Variants in PPP2R3A observed in about 807,000 individuals in gnomAD.
PPP2R3A encodes the protein protein phosphatase 2 regulatory subunit B''alpha, also known as serine/threonine-protein phosphatase 2A regulatory subunit B'' subunit alpha.
PPP2R3A carries 80 observed loss-of-function variants against 106.9 expected under a neutral mutation model. That is an observed-to-expected ratio of 0.75 (90% CI 0.62 to 0.90). The LOEUF (loss-of-function observed/expected upper bound fraction) is 0.90, where lower values mean the gene tolerates loss of function less well. Among genes scored for constraint, PPP2R3A ranks in the 40% least tolerant of loss-of-function variants. The pLI is 0.00. For missense variants in PPP2R3A, 1,386 were observed against 1,350.4 expected (o/e 1.03, Z -0.41); for synonymous variants, 483 against 468.3 (o/e 1.03, Z -0.41).
intron 3 of PPP2R3A, among the ~76,000 whole-genome samples, chr3:136,029,521 T>G (rs1208192596): frequency 1.3e-5 from 2 of 152,164 alleles, no homozygotes; most frequent in Non-Finnish European, 2.9e-5. Context: ...CAAGGCAGGA[T>G]AGAGGTCTCT....
chr3:136,066,722 A>G (rs995394796), intron 5 of PPP2R3A, among the ~76,000 whole-genome samples: 1 of 152,028 alleles, frequency 6.6e-6, no homozygotes, highest in Non-Finnish European at 1.5e-5. Context: ...ATCTCATGAG[A>G]ACTCACTATC....
intron 5 of PPP2R3A, among the ~76,000 whole-genome samples, chr3:136,054,750 A>G (rs1427521354): frequency 6.6e-6 from 1 of 152,250 alleles, no homozygotes; most frequent in Non-Finnish European, 1.5e-5. Flanking sequence ...TTGTAAAACA[A>G]GAACCTGCTA....
At chr3:136,042,347 G>A in intron 4 of PPP2R3A, among the ~76,000 whole-genome samples, 1 of 152,128 alleles carries the variant, frequency 6.6e-6, no homozygotes, top group Middle Eastern at 3.2e-3. Context: ...TTGGGGTGGG[G>A]TGAGGGAAGG....
chr3:136,061,169 A>G (rs1408791984), intron 5 of PPP2R3A, among the ~76,000 whole-genome samples: 1 of 152,200 alleles, frequency 6.6e-6, no homozygotes, highest in East Asian at 1.9e-4. Flanking sequence ...TCAGAGAGAA[A>G]GAGAGAGAGA....
intron 1 of PPP2R3A, among the ~76,000 whole-genome samples, chr3:135,975,785 A>G (rs1032648961): frequency 3.3e-5 from 5 of 152,142 alleles, no homozygotes; most frequent in Admixed American, 6.5e-5. Flanking sequence ...AATTTTAATT[A>G]AAAACTGCCA....
At chr3:136,041,237 T>TG (rs1553747205) in intron 4 of PPP2R3A, among the ~76,000 whole-genome samples, 20 of 36,048 alleles carry the variant, frequency 5.5e-4, no homozygotes, top group East Asian at 2.7e-3. Context: ...TGGTTTTTCT[T>TG]GTTTTTTTTT....
At position 136,118,209 on chromosome 3, in the gene PPP2R3A, G is replaced by A. The variant is rs140216709; in HGVS notation, c.3329+11887G>A. On this transcript the variant is annotated intron_variant, in intron 13 of 13. Transcript: ENST00000264977. ...ATGCTAAATGCTCTCAATAAACTAG[G>A]TATTGATGGAACACAGTCTCAAAAT... Among the ~76,000 whole-genome samples the A allele has an allele frequency of 6.2e-3, 946 of 152,228 alleles. 13 individuals carry two copies. Among genetic ancestry groups the A allele is most frequent in the African/African-American group, 0.022 (897 of 41,548 alleles).
At chr3:136,034,107 C>T (rs1221223639) in intron 3 of PPP2R3A, among the ~76,000 whole-genome samples, 11 of 150,192 alleles carry the variant, frequency 7.3e-5, no homozygotes, top group Non-Finnish European at 1.2e-4. Context: ...GTGATCTTGG[C>T]TCACTGCAGC....
intron 2 of PPP2R3A, chr3:136,023,176 G>A (rs374006910): frequency 2.5e-5 from 41 of 1,613,046 alleles, no homozygotes; most frequent in Non-Finnish European, 3.1e-5. Context: ...TTTAAGAAGC[G>A]GCTGAAGTCA....
At chr3:136,090,752 G>A (rs2107946322) in intron 10 of PPP2R3A, 85 bp downstream of exon 10, 2 of 1,058,456 alleles carry the variant, frequency 1.9e-6, no homozygotes, top group South Asian at 1.4e-5. Context: ...TACCTAGTGA[G>A]GCCAACTCAA....
Position 136,001,768 on chromosome 3 carries a change from C to G in PPP2R3A, c.270C>G (p.Ala90=). 1 of 1,614,160 alleles carries G rather than the reference C, an allele frequency of 6.2e-7. No homozygotes were observed. Among genetic ancestry groups the G allele is most frequent in the Non-Finnish European group, 8.5e-7 (1 of 1,180,030 alleles). ...CTGAAGGAGACTATCCCCAACAGGC[C>G]TTCACAGGCATACCCAGGGTCAAGA... The part of the protein sequence containing the change: ...SSAEGDYPQQ[A]FTGIPRVKRG... The change falls in exon 2 of 14, where the codon GCC becomes GCG. Residue 90 remains alanine (A), a synonymous_variant. Coordinates refer to ENST00000264977, the MANE Select transcript of PPP2R3A (RefSeq NM_002718.5).
chr3:136,017,800 T>C (rs1934329975), intron 2 of PPP2R3A, among the ~76,000 whole-genome samples: 1 of 152,254 alleles, frequency 6.6e-6, no homozygotes, highest in Non-Finnish European at 1.5e-5. Flanking sequence ...TTAGCTGAGC[T>C]GATTTCCCAG....
chr3:135,989,626 C>T (rs1408538236), intron 1 of PPP2R3A, among the ~76,000 whole-genome samples: 1 of 152,028 alleles, frequency 6.6e-6, no homozygotes, highest in Non-Finnish European at 1.5e-5. Flanking sequence ...CTTCTTTCTG[C>T]CTTTAAAATA....
intron 3 of PPP2R3A, among the ~76,000 whole-genome samples, chr3:136,036,715 T>C (rs1287516156): frequency 6.6e-6 from 1 of 152,198 alleles, no homozygotes; most frequent in African/African-American, 2.4e-5. Flanking sequence ...GCGAAAATTC[T>C]CACTGCAAGC....
At chr3:136,040,273 C>T (rs1935221628) in intron 3 of PPP2R3A, among the ~76,000 whole-genome samples, 1 of 152,196 alleles carries the variant, frequency 6.6e-6, no homozygotes, top group Admixed American at 6.5e-5. Flanking sequence ...AGTATAATGG[C>T]TCACGCCTGT....
rs564413737 is a variant in PPP2R3A, at chr3:136,004,843, A to G, written c.1995+1350A>G. Among the ~76,000 whole-genome samples, 15 of 152,136 alleles carry G rather than the reference A, an allele frequency of 9.9e-5. No homozygotes were observed. The East Asian group carries it at 2.9e-3, about 29-fold the overall frequency. ...AGATCTGTAAGTATTTTGTCATGTT[A>G]TTCTTTGTGCTTTTTTATATTCTTA... is the stretch of plus-strand genomic sequence containing the variant. On this transcript the variant is annotated intron_variant, in intron 2 of 13. Coordinates refer to ENST00000264977, the MANE Select transcript of PPP2R3A (RefSeq NM_002718.5).
chr3:136,107,588 C>G (rs979507168), intron 13 of PPP2R3A, among the ~76,000 whole-genome samples: 2 of 152,018 alleles, frequency 1.3e-5, no homozygotes, highest in African/African-American at 4.8e-5. Context: ...AAATAGTCCT[C>G]AATATAGATT....
At chr3:136,140,866 C>T (rs1938842114) in intron 13 of PPP2R3A, among the ~76,000 whole-genome samples, 1 of 152,100 alleles carries the variant, frequency 6.6e-6, no homozygotes, top group Admixed American at 6.5e-5. Context: ...GCCGAGATCA[C>T]GCCGTTGCCC....
At chr3:136,045,566 G>A (rs1935443074) in intron 4 of PPP2R3A, among the ~76,000 whole-genome samples, 1 of 152,138 alleles carries the variant, frequency 6.6e-6, no homozygotes, top group Non-Finnish European at 1.5e-5. Context: ...TAGCTGGTTG[G>A]GCCAAATTCT....
Sources: gnomAD v4.1 joint callset for allele counts (sites outside exome capture counted in the v4.1 genomes callset) on GRCh38, gnomAD v4.1.1 for gene constraint, MANE v1.5 for transcripts, NCBI Gene and HGNC (gene_info 2026-07-23, HGNC 2026-07-21) for gene names.